Variants in PARP4 observed in about 807,000 individuals in gnomAD.
PARP4 encodes poly(ADP-ribose) polymerase family member 4, also known as protein mono-ADP-ribosyltransferase PARP4.
A neutral mutation model predicts 187.7 loss-of-function variants in PARP4; 120 were observed. The ratio of observed to expected loss-of-function variants is 0.64; its 90% CI spans 0.55 to 0.74. PARP4 has a LOEUF of 0.74. Ranked by LOEUF, PARP4 falls within the 30% of genes least tolerant of loss-of-function variation. The pLI is 0.00. For synonymous variants in PARP4, 654 were observed against 740.9 expected (o/e 0.88, Z 1.90); for missense variants, 1,836 against 2,070.5 (o/e 0.89, Z 2.20).
intron 31 of PARP4, among the ~76,000 whole-genome samples, chr13:24,434,098 T>C (rs7334567): frequency 0.086 from 13,096 of 151,972 alleles, 494 homozygotes; most frequent in East Asian, 0.25. Flanking sequence ...CCATCATCTG[T>C]TCAGAGATGT....
At chr13:24,501,427 C>T (rs1242226883) in intron 3 of PARP4, among the ~76,000 whole-genome samples, 1 of 152,166 alleles carries the variant, frequency 6.6e-6, no homozygotes, top group South Asian at 2.1e-4. Context: ...TTGAGTCTGA[C>T]CCTACTAGGC....
chr13:24,444,258 C>A lies in PARP4; in HGVS notation c.3367-528G>T, dbSNP rs367804720. Among the ~76,000 whole-genome samples, 280 of 152,398 alleles carry A rather than the reference C, an allele frequency of 1.8e-3. 1 individual carries two copies. Among genetic ancestry groups the A allele is most frequent in the East Asian group, 0.018 (91 of 5,192 alleles). The stretch of plus-strand genomic sequence containing the variant: ...AAGGCTGCTTCTCACAGAGGAAGTA[C>A]AACTTGCTGTGACTTTATGGAAAAC... On this transcript the variant is annotated intron_variant, in intron 27 of 33. Coordinates refer to ENST00000381989, the MANE Select transcript of PARP4 (RefSeq NM_006437.4).
In PARP4 at chr13:24,505,001, C is replaced by T. The variant is rs191620447; in HGVS notation, c.-1-1224G>A. Among the ~76,000 whole-genome samples, 16 of 137,128 alleles carry T rather than the reference C, an allele frequency of 1.2e-4. No homozygotes were observed. In the East Asian group the frequency reaches 2.7e-3, roughly 23 times the overall value. 90.0% of individuals were successfully genotyped at this position (137,128 alleles called of 152,430 possible). A position where few individuals can be genotyped will look rare whatever the true frequency, so the allele number is the denominator to read the frequency against. On this transcript the variant is annotated intron_variant, in intron 1 of 33. Coordinates refer to ENST00000381989, the MANE Select transcript of PARP4 (RefSeq NM_006437.4). ...TGAGCCACCGCACCTGGCACACCCC[C>T]GCTTTTTTTTTTTTTTTTTTGAGTC...
In PARP4 at chr13:24,465,493, C is replaced by T. The variant is rs537590062; in HGVS notation, c.2133+3531G>A. On this transcript the variant is annotated intron_variant, in intron 17 of 33. Coordinates refer to ENST00000381989, the MANE Select transcript of PARP4 (RefSeq NM_006437.4). ...GCAGGGACATGAATGAAGCTGGAAG[C>T]CATTATCCTCACAAACTAACACAGG... Among the ~76,000 whole-genome samples, 29 of 151,946 alleles carry T rather than the reference C, an allele frequency of 1.9e-4. No homozygotes were observed. The South Asian group carries it at 3.7e-3, about 20-fold the overall frequency.
chr13:24,475,583 T>C lies in PARP4; in HGVS notation c.1803A>G (p.Pro601=), dbSNP rs1322233954. ...TGGTGCTGCTGGAAGTTTTGGCATC[T>C]GGTAACTGGTAATCTAAACGTTAAA... The part of the protein sequence containing the change: ...NFSKVEDYQL[P]DAKTSSSTKA... The change falls in exon 15 of 34, where the codon CCA becomes CCG. Residue 601 remains proline (P), a synonymous_variant. Coordinates refer to ENST00000381989, the MANE Select transcript of PARP4 (RefSeq NM_006437.4). 6.2e-7 allele frequency: 1 copy of C among 1,614,052 alleles called. No individual in the cohort carries two copies. Among genetic ancestry groups the C allele is most frequent in the African/African-American group, 1.3e-5 (1 of 74,954 alleles).
intron 12 of PARP4, among the ~76,000 whole-genome samples, chr13:24,478,604 T>C (rs1218150744): frequency 6.6e-6 from 1 of 152,120 alleles, no homozygotes; most frequent in Non-Finnish European, 1.5e-5. Context: ...AGCTAACTTT[T>C]AAAATTTTCT....
At chr13:24,457,770 CAAAAAAAAAAAA>C (rs33930012) in intron 20 of PARP4, among the ~76,000 whole-genome samples, 6 of 85,662 alleles carry the variant, frequency 7.0e-5, no homozygotes, top group Non-Finnish European at 1.1e-4. Flanking sequence ...GACTCTGTCT[CAAAAAAAAAAAA>C]AAAAAAAAAA....
At chr13:24,430,003 T>G (rs1163437683) in intron 32 of PARP4, among the ~76,000 whole-genome samples, 1 of 152,252 alleles carries the variant, frequency 6.6e-6, no homozygotes, top group Non-Finnish European at 1.5e-5. Context: ...TAGTTGGCTT[T>G]CTTTCTTTCA....
chr13:24,455,638 G>C (rs1336302577), intron 21 of PARP4, among the ~76,000 whole-genome samples: 1 of 104,552 alleles, frequency 9.6e-6, no homozygotes, highest in African/African-American at 4.0e-5. Context: ...TTTTTTTTGA[G>C]ACAGGGTCTC....
At chr13:24,503,608 G>GT (rs1869433893) in intron 2 of PARP4, 37 bp downstream of exon 2, 1 of 1,609,478 alleles carries the variant, frequency 6.2e-7, no homozygotes, top group South Asian at 1.1e-5. Flanking sequence ...AATGCGCAAT[G>GT]TTTTATCACA....
chr13:24,432,588 C>T (rs1593587033), intron 31 of PARP4, among the ~76,000 whole-genome samples: 1 of 152,156 alleles, frequency 6.6e-6, no homozygotes, highest in Admixed American at 6.5e-5. Context: ...GACCTCTTAG[C>T]AAATGCTTCA....
In PARP4 at chr13:24,431,443, G is replaced by A. The variant is rs906247978; in HGVS notation, c.4780C>T (p.Leu1594Phe). ...GFWKLTPELGLILNLNTNGLH... is the reference protein window; with the variant it reads ...GFWKLTPELGFILNLNTNGLH... ...CCATTTGTATTAAGATTTAATATAA[G>A]TCCCAGTTCTGGTGTAAGTTTCCAG... Residue 1594 changes from leucine (L) to phenylalanine (F), a missense_variant, in exon 32 of 34, where the codon CTT becomes TTT. Physicochemically the swap from Leu to Phe is conservative, Grantham distance 22 (BLOSUM62 0). This residue lies in a region of PARP4 where 450 missense variants were observed against 439.2 expected (regional missense o/e 1.02). Coordinates refer to ENST00000381989, the MANE Select transcript of PARP4 (RefSeq NM_006437.4). 4.4e-6 allele frequency: 7 copies of A among 1,596,744 alleles called. No individual in the cohort carries two copies. The highest frequency in any genetic ancestry group is 5.1e-6 in the Non-Finnish European group (6 of 1,174,244).
At chr13:24,462,282 T>C (rs1872248027) in intron 17 of PARP4, among the ~76,000 whole-genome samples, 1 of 152,156 alleles carries the variant, frequency 6.6e-6, no homozygotes, top group South Asian at 2.1e-4. Flanking sequence ...TCAGTGAGAA[T>C]TGTTCCGGAT....
chr13:24,472,840 T>G (rs1438294412), intron 15 of PARP4, among the ~76,000 whole-genome samples: 2 of 151,626 alleles, frequency 1.3e-5, no homozygotes, highest in African/African-American at 4.8e-5. Context: ...TGAGCTTCAG[T>G]GCAGATAATT....
intron 1 of PARP4, among the ~76,000 whole-genome samples, chr13:24,506,550 CA>C (rs1383390181): frequency 6.6e-6 from 1 of 152,168 alleles, no homozygotes; most frequent in African/African-American, 2.4e-5. Context: ...CTGAGCTAGA[CA>C]CAAGTTCTCC....
intron 10 of PARP4, among the ~76,000 whole-genome samples, chr13:24,487,189 G>A (rs924818355): frequency 7.3e-5 from 11 of 151,430 alleles, no homozygotes; most frequent in Non-Finnish European, 1.3e-4. Context: ...GAAGCCGGGA[G>A]GCAGAGGTTG....
At chr13:24,429,051 T>C (rs143871868) in intron 32 of PARP4, among the ~76,000 whole-genome samples, 90 of 152,364 alleles carry the variant, frequency 5.9e-4, no homozygotes, top group East Asian at 5.8e-3. Context: ...GTAAGTTTAT[T>C]GAGTGCATTG....
At chr13:24,468,143 A>G (rs1412280470) in intron 17 of PARP4, among the ~76,000 whole-genome samples, 1 of 152,200 alleles carries the variant, frequency 6.6e-6, no homozygotes, top group Non-Finnish European at 1.5e-5. Flanking sequence ...CCTGCACTAG[A>G]GTTAGACGCT....
intron 15 of PARP4, among the ~76,000 whole-genome samples, chr13:24,473,158 G>C (rs1016654176): frequency 1.3e-5 from 2 of 152,104 alleles, no homozygotes; most frequent in Non-Finnish European, 2.9e-5. Flanking sequence ...CTGAGCTGAA[G>C]CAATCCTCCT....
Sources: allele counts gnomAD v4.1 joint callset (sites outside exome capture counted in the v4.1 genomes callset), GRCh38; gene constraint gnomAD v4.1.1; regional missense constraint gnomAD v4.1.1; transcripts MANE v1.5; gene names NCBI Gene and HGNC (gene_info 2026-07-23, HGNC 2026-07-21).